The following LHCGR variants were observed in gnomAD, a reference collection of about 807,000 sequenced individuals.
LHCGR encodes luteinizing hormone/choriogonadotropin receptor.
A neutral mutation model predicts 60.7 loss-of-function variants in LHCGR; 55 were observed. The ratio of observed to expected loss-of-function variants is 0.91; its 90% confidence interval spans 0.73 to 1.13. LHCGR has a LOEUF of 1.13. Among genes scored for constraint, LHCGR ranks in the 50% most tolerant of loss-of-function variants. LHCGR has a pLI of 0.00. For synonymous variants in LHCGR, 337 were observed against 316.5 expected, an observed-to-expected ratio of 1.06 and a Z score of -0.69; for missense variants, 862 against 836.0, an observed-to-expected ratio of 1.03 and a Z score of -0.38.
intron 6 of LHCGR, among the ~76,000 whole-genome samples, chr2:48,723,111 C>G (rs915064788): frequency 2.0e-5 from 3 of 152,204 alleles, no homozygotes; most frequent in Non-Finnish European, 4.4e-5. Flanking sequence ...CTTGAAATTT[C>G]TATGCTCTTT....
chr2:48,694,414 G>A, intron 9 of LHCGR, 110 bp from the exon 10 acceptor site: 1 of 714,922 alleles, frequency 1.4e-6, no homozygotes, highest in Non-Finnish European at 2.5e-6. Context: ...TATTACACCA[G>A]CATCTCGTTC....
chr2:48,730,161 G>C (rs1464274595), intron 2 of LHCGR, among the ~76,000 whole-genome samples: 2 of 152,222 alleles, frequency 1.3e-5, no homozygotes, highest in African/African-American at 4.8e-5. Context: ...CCACAGAAAG[G>C]CAGAGCCTAA....
chr2:48,751,958 C>G (rs1308028271), intron 1 of LHCGR, among the ~76,000 whole-genome samples: 1 of 152,210 alleles, frequency 6.6e-6, no homozygotes, highest in Non-Finnish European at 1.5e-5. Flanking sequence ...ATCAACCTTT[C>G]TGTTGTCATA....
chr2:48,732,605 A>T (rs1276228885), intron 1 of LHCGR, among the ~76,000 whole-genome samples: 1 of 152,016 alleles, frequency 6.6e-6, no homozygotes, highest in Non-Finnish European at 1.5e-5. Context: ...AGGCAGAATG[A>T]CTCCAGACAT....
rs562654722 is a variant in LHCGR, at chr2:48,710,565, C to T, written c.606-1543G>A. Among the ~76,000 whole-genome samples, 165 of 152,320 alleles carry T rather than the reference C, an allele frequency of 1.1e-3. 4 individuals carry two copies. The highest frequency in any genetic ancestry group is 3.4e-3 in the Middle Eastern group (1 of 294). ...TTCCTGGGGGTCACTTTTGAGAATT[C>T]TCCCAATGATGTGACCTTGCGGTGT... is the stretch of plus-strand genomic sequence containing the variant. On this transcript the variant is annotated intron_variant, in intron 7 of 10. Coordinates refer to ENST00000294954, the MANE Select transcript of LHCGR (RefSeq NM_000233.4).
Position 48,688,072 on chromosome 2 carries a change from G to A in LHCGR, c.1725C>T (p.Ile575=), listed in dbSNP as rs1679992171. ...TKIAKKMAIL[I]FTDFTCMAPI... ...GTGCCATGCAGGTGAAATCGGTGAAGATGAGGATTGCCATTTTCTTAGCAA... is the reference window on the plus strand; with the variant it reads ...GTGCCATGCAGGTGAAATCGGTGAAAATGAGGATTGCCATTTTCTTAGCAA... Residue 575 remains isoleucine, a synonymous_variant, in exon 11 of 11, where the codon ATC becomes ATT. Transcript: ENST00000294954. This position sits in a 1 kb window ranked among gnomAD's most constrained non-coding sequence, Gnocchi z 5.2. 1 of 1,614,182 alleles carries A rather than the reference G, an allele frequency of 6.2e-7. No individual in the cohort carries two copies. The highest frequency in any genetic ancestry group is 1.3e-5 in the African/African-American group (1 of 75,052).
intron 10 of LHCGR, among the ~76,000 whole-genome samples, chr2:48,692,747 C>T (rs978410963): frequency 1.3e-5 from 2 of 152,126 alleles, no homozygotes; most frequent in Non-Finnish European, 1.5e-5. Flanking sequence ...AATACGTAAG[C>T]CTTAGTGGCT....
rs182173431 is a variant in LHCGR at position 48,715,723 on chromosome 2, C to G, written c.537-1669G>C. Among the ~76,000 whole-genome samples the G allele has an allele frequency of 1.6e-3, 249 of 152,218 alleles. 1 individual carries two copies. Among genetic ancestry groups the G allele is most frequent in the African/African-American group, 5.9e-3 (243 of 41,502 alleles). On this transcript the variant is annotated intron_variant, in intron 6 of 10. Coordinates refer to ENST00000294954, the MANE Select transcript of LHCGR (RefSeq NM_000233.4). Reference sequence around the variant, plus strand: ...TATGTGTGGTCTCCTTCCACCAACCCACAACACAGCTGAGACAAACCAACA... The same window carrying G: ...TATGTGTGGTCTCCTTCCACCAACCGACAACACAGCTGAGACAAACCAACA...
chr2:48,742,065 T>G (rs372958498), intron 1 of LHCGR, among the ~76,000 whole-genome samples: 1 of 152,058 alleles, frequency 6.6e-6, no homozygotes, highest in Admixed American at 6.5e-5. Flanking sequence ...AAACAGACTT[T>G]AAACCAACAA....
chr2:48,689,881 A>AT (rs1360413074), intron 10 of LHCGR, among the ~76,000 whole-genome samples: 1 of 151,924 alleles, frequency 6.6e-6, no homozygotes, highest in Non-Finnish European at 1.5e-5. Context: ...CACCCAGCTA[A>AT]TTTTTTGCAT....
rs1342401162 is a variant in LHCGR at position 48,688,657 on chromosome 2, A to G, written c.1140T>C (p.Val380=). The G allele has an allele frequency of 6.2e-7, 1 of 1,614,070 alleles. No homozygotes were observed. Among genetic ancestry groups the G allele is most frequent in the Non-Finnish European group, 8.5e-7 (1 of 1,180,036 alleles). The change falls in exon 11 of 11, where the codon GTT becomes GTC. Residue 380 remains valine, a synonymous_variant. Transcript: ENST00000294954. This position sits in a 1 kb window ranked among gnomAD's most constrained non-coding sequence, Gnocchi z 5.2. ...NILAIMGNMT[V]LFVLLTSRYK... ...AACGACTTGTCAGGAGAACAAAAAGAACAGTCATGTTTCCCATGATGGCTA... is the reference window on the plus strand; with the variant it reads ...AACGACTTGTCAGGAGAACAAAAAGGACAGTCATGTTTCCCATGATGGCTA...
intron 10 of LHCGR, among the ~76,000 whole-genome samples, chr2:48,690,081 C>G (rs551342214): frequency 6.6e-5 from 10 of 152,306 alleles, no homozygotes; most frequent in African/African-American, 2.2e-4. Flanking sequence ...TTTTAGCTCT[C>G]TCCCTAGTCC....
intron 9 of LHCGR, among the ~76,000 whole-genome samples, chr2:48,698,079 A>T (rs941206969): frequency 3.3e-5 from 5 of 152,168 alleles, no homozygotes; most frequent in Admixed American, 2.6e-4. Context: ...CTGGATGCAA[A>T]CCATGCAGGA....
At chr2:48,728,501 T>C (rs1388582877) in intron 3 of LHCGR, among the ~76,000 whole-genome samples, 3 of 152,176 alleles carry the variant, frequency 2.0e-5, no homozygotes, top group African/African-American at 4.8e-5. Flanking sequence ...CATTGATTTC[T>C]AATTTCAGCT....
At position 48,748,061 on chromosome 2, in the gene LHCGR, C is replaced by T. The variant is rs185784897; in HGVS notation, c.161+7450G>A. ...CTCAGAGGAAGTTCAAATGACACTT[C>T]CTCTGAGGCCTCTTTGTTACTCTGG... On this transcript the variant is annotated intron_variant, in intron 1 of 10. Transcript: ENST00000294954. Among the ~76,000 whole-genome samples the T allele has an allele frequency of 3.9e-5, 6 of 152,272 alleles. No individual in the cohort carries two copies. The East Asian group carries it at 1.2e-3, about 29-fold the overall frequency.
intron 3 of LHCGR, among the ~76,000 whole-genome samples, chr2:48,727,031 T>A (rs74429185): frequency 6.6e-6 from 1 of 152,290 alleles, no homozygotes; most frequent in African/African-American, 2.4e-5. Flanking sequence ...ATTCTTCAGA[T>A]GTGAGTGATA....
rs979633619 is a variant in LHCGR, at chr2:48,755,593, C to G, written c.79G>C (p.Glu27Gln). The change falls in exon 1 of 11, where the codon GAG becomes CAG. Residue 27 changes from glutamate to glutamine, a missense_variant. By Grantham distance (29) the Glu-to-Gln change is conservative. Coordinates refer to ENST00000294954, the MANE Select transcript of LHCGR (RefSeq NM_000233.4). ...TTGCAGGGCTCAGGGCAGAGCGCCT[C>G]GCGCAGCGCTCGTGGCAGCGGCGGC... ...LQPPLPRALR[E>Q]ALCPEPCNCV... The G allele has an allele frequency of 1.3e-6, 2 of 1,537,820 alleles. No homozygotes were observed. The highest frequency in any genetic ancestry group is 2.0e-5 in the Admixed American group (1 of 50,870).
intron 8 of LHCGR, among the ~76,000 whole-genome samples, chr2:48,699,706 T>C (rs753157870): frequency 9.2e-5 from 14 of 152,254 alleles, no homozygotes; most frequent in Non-Finnish European, 1.8e-4. Flanking sequence ...AGAATGCATG[T>C]TCTCTAATGA....
At chr2:48,752,131 T>C (rs1669983260) in intron 1 of LHCGR, among the ~76,000 whole-genome samples, 3 of 152,260 alleles carry the variant, frequency 2.0e-5, no homozygotes, top group African/African-American at 7.2e-5. Context: ...ATATTTTGTA[T>C]CACATTTTAG....
Sources: allele counts gnomAD v4.1 joint callset (sites outside exome capture counted in the v4.1 genomes callset), GRCh38; gene constraint gnomAD v4.1.1; non-coding constraint Gnocchi (gnomAD v3.1); transcripts MANE v1.5; gene names NCBI Gene and HGNC (gene_info 2026-07-23, HGNC 2026-07-21).